The following HS3ST5 variants were observed in gnomAD, a reference collection of about 807,000 sequenced individuals.
The protein encoded by HS3ST5 is heparan sulfate-glucosamine 3-sulfotransferase 5.
Under a neutral mutation model 25.4 loss-of-function variants are expected in HS3ST5, and 10 were observed. The observed-to-expected ratio is 0.39, with a 90% CI of 0.24 to 0.67. HS3ST5 has a LOEUF of 0.67. HS3ST5 is among the 30% of genes least tolerant of loss of function. The pLI, the probability that HS3ST5 is intolerant of heterozygous loss-of-function variation, is 0.44. For missense variants in HS3ST5, 324 were observed against 420.7 expected, an observed-to-expected ratio of 0.77 and a Z score of 2.01; for synonymous variants, 170 against 162.4, an observed-to-expected ratio of 1.05 and a Z score of -0.36.
chr6:114,110,951 A>G (rs566001065), intron 3 of HS3ST5, among the ~76,000 whole-genome samples: 21 of 152,328 alleles, frequency 1.4e-4, no homozygotes, highest in Admixed American at 3.9e-4. Context: ...CACTGTGAAA[A>G]TTACATTTAA....
In HS3ST5 at chr6:114,342,805, C is replaced by T. The variant is rs2097010191; in HGVS notation, c.-949G>A. ...TCAGTGTGACTGGGATCTTCCCTTC[C>T]TGCGTCCTCGAGCCTCCGGTGCCAA... is the stretch of plus-strand genomic sequence containing the variant. On this transcript the variant is annotated 5_prime_UTR_variant, in exon 1 of 5. Coordinates refer to ENST00000312719, the MANE Select transcript of HS3ST5 (RefSeq NM_153612.4). 1 of 152,296 alleles carries T rather than the reference C, an allele frequency of 6.6e-6. No individual in the cohort carries two copies. The highest frequency in any genetic ancestry group is 2.1e-4 in the South Asian group (1 of 4,834). The allele number at this position is 152,296 out of a possible 1,614,324, so 9.4% of individuals were successfully genotyped here.
chr6:114,219,226 T>C lies in HS3ST5; in HGVS notation c.-145+9359A>G, dbSNP rs187519694. ...TGTACTTCCAATCACATTATTTTTATTCTTACCAATTTACATAATGTGTGA... is the reference window on the plus strand; with the variant it reads ...TGTACTTCCAATCACATTATTTTTACTCTTACCAATTTACATAATGTGTGA... On this transcript the variant is annotated intron_variant, in intron 2 of 4. Coordinates refer to ENST00000312719, the MANE Select transcript of HS3ST5 (RefSeq NM_153612.4). Among the ~76,000 whole-genome samples, 460 of 152,346 alleles carry C rather than the reference T, an allele frequency of 3.0e-3. 4 individuals carry two copies. Among genetic ancestry groups the C allele is most frequent in the African/African-American group, 0.011 (452 of 41,584 alleles).
chr6:114,092,954 T>TGTGA (rs1452986595), intron 3 of HS3ST5, among the ~76,000 whole-genome samples: 1 of 152,076 alleles, frequency 6.6e-6, no homozygotes, highest in Non-Finnish European at 1.5e-5. Context: ...GGATTATAGG[T>TGTGA]GTGAGTCACT....
intron 3 of HS3ST5, chr6:114,084,585 C>T (rs1220362520): frequency 1.3e-6 from 1 of 769,668 alleles, no homozygotes; most frequent in Non-Finnish European, 2.4e-6. Context: ...TGGCAAAGTC[C>T]ACATAGTGCA....
intron 2 of HS3ST5, among the ~76,000 whole-genome samples, chr6:114,185,228 T>G (rs894441036): frequency 1.3e-5 from 2 of 152,198 alleles, no homozygotes; most frequent in African/African-American, 2.4e-5. Context: ...CAAACTCATA[T>G]GTTGAAATCC....
chr6:114,251,260 A>C (rs1345369831), intron 1 of HS3ST5, among the ~76,000 whole-genome samples: 2 of 152,224 alleles, frequency 1.3e-5, no homozygotes, highest in Non-Finnish European at 2.9e-5. Flanking sequence ...AAAATCTCAT[A>C]TGGAAGCCCA....
In HS3ST5 at chr6:114,240,526, A is replaced by C. The variant is rs373870746; in HGVS notation, c.-338-11748T>G. Among the ~76,000 whole-genome samples, 12 of 152,266 alleles carry C rather than the reference A, an allele frequency of 7.9e-5. No individual in the cohort carries two copies. In the East Asian group the frequency reaches 1.4e-3, roughly 17 times the overall value. ...AATATTATTTGGAAAAGTTAACTCG[A>C]AGGGGTCCTTTGTTGCTAAACACGA... is the stretch of plus-strand genomic sequence containing the variant. On this transcript the variant is annotated intron_variant, in intron 1 of 4. Transcript: ENST00000312719.
intron 3 of HS3ST5, among the ~76,000 whole-genome samples, chr6:114,094,597 C>T (rs375034534): frequency 6.6e-6 from 1 of 152,116 alleles, no homozygotes; most frequent in Non-Finnish European, 1.5e-5. Flanking sequence ...TATATAATAA[C>T]GATCCAAGTT....
At chr6:114,163,790 T>C (rs1367191226) in intron 3 of HS3ST5, among the ~76,000 whole-genome samples, 1 of 152,146 alleles carries the variant, frequency 6.6e-6, no homozygotes, top group Admixed American at 6.6e-5. Context: ...TCGATCATTG[T>C]TTCTATTTGA....
At chr6:114,281,065 G>A (rs536097019) in intron 1 of HS3ST5, among the ~76,000 whole-genome samples, 5 of 152,034 alleles carry the variant, frequency 3.3e-5, no homozygotes, top group African/African-American at 7.2e-5. Context: ...TAAGAGTTTC[G>A]ATACCATTTA....
At chr6:114,295,913 C>A (rs576587267) in intron 1 of HS3ST5, among the ~76,000 whole-genome samples, 1 of 152,106 alleles carries the variant, frequency 6.6e-6, no homozygotes, top group Non-Finnish European at 1.5e-5. Flanking sequence ...TTTGAACAGG[C>A]CCATGTGTAT....
At chr6:114,262,433 G>A (rs986500528) in intron 1 of HS3ST5, among the ~76,000 whole-genome samples, 2 of 152,056 alleles carry the variant, frequency 1.3e-5, no homozygotes, top group Non-Finnish European at 2.9e-5. Context: ...TGTAGTCCCA[G>A]CTACTTGGGA....
intron 3 of HS3ST5, among the ~76,000 whole-genome samples, chr6:114,168,061 CA>C (rs1387934439): frequency 6.6e-6 from 1 of 151,804 alleles, no homozygotes; most frequent in Non-Finnish European, 1.5e-5. Context: ...CACACACAAA[CA>C]AAAAACAACA....
chr6:114,141,720 G>A (rs1258650832), intron 3 of HS3ST5, among the ~76,000 whole-genome samples: 2 of 152,212 alleles, frequency 1.3e-5, no homozygotes, highest in Non-Finnish European at 2.9e-5. Flanking sequence ...AGTAGGGGCT[G>A]TTTGGAAGGC....
chr6:114,217,688 T>A (rs1781835189), intron 2 of HS3ST5, among the ~76,000 whole-genome samples: 1 of 152,184 alleles, frequency 6.6e-6, no homozygotes, highest in Non-Finnish European at 1.5e-5. Context: ...CATCTGCATT[T>A]TACAGATGAG....
intron 3 of HS3ST5, among the ~76,000 whole-genome samples, chr6:114,119,764 C>G (rs530589445): frequency 6.6e-6 from 1 of 152,298 alleles, no homozygotes; most frequent in East Asian, 1.9e-4. Flanking sequence ...CCAATTCATT[C>G]AACAAATGTT....
chr6:114,278,703 TAAAC>T (rs1477578193), intron 1 of HS3ST5, among the ~76,000 whole-genome samples: 1 of 151,942 alleles, frequency 6.6e-6, no homozygotes, highest in African/African-American at 2.4e-5. Flanking sequence ...AAGTAGAAAT[TAAAC>T]AGACAGGGAG....
chr6:114,253,811 G>A (rs188219116), intron 1 of HS3ST5, among the ~76,000 whole-genome samples: 22 of 152,190 alleles, frequency 1.4e-4, no homozygotes, highest in Admixed American at 8.5e-4. Context: ...CCTGTGTTTC[G>A]TTTTTCTCCC....
intron 1 of HS3ST5, among the ~76,000 whole-genome samples, chr6:114,339,657 A>C (rs139027294): frequency 1.8e-4 from 28 of 152,316 alleles, no homozygotes; most frequent in African/African-American, 6.7e-4. Context: ...TAGAAATCAC[A>C]CACAGAAAGC....
Sources: allele counts gnomAD v4.1 joint callset (sites outside exome capture counted in the v4.1 genomes callset), GRCh38; gene constraint gnomAD v4.1.1; transcripts MANE v1.5; gene names NCBI Gene and HGNC (gene_info 2026-07-23, HGNC 2026-07-21).